ZNF66: variants seen among roughly 807,000 people sequenced by gnomAD.
The protein encoded by ZNF66 is zinc finger protein 66, also known as putative zinc finger protein 66.
A neutral mutation model predicts 35.2 loss-of-function variants in ZNF66; 32 were observed. That is an observed-to-expected ratio of 0.91 (90% CI 0.69 to 1.22). The LOEUF (loss-of-function observed/expected upper bound fraction) is 1.22, where lower values mean the gene tolerates loss of function less well. ZNF66 is among the 50% of genes most tolerant of loss of function. The pLI is 0.00. For missense variants in ZNF66, 666 were observed against 543.1 expected (o/e 1.23, Z -2.25); for synonymous variants, 231 against 181.3 (o/e 1.27, Z -2.20).
chr19:20,780,914 A>T (rs533721967), intron 1 of ZNF66, among the ~76,000 whole-genome samples: 1 of 152,172 alleles, frequency 6.6e-6, no homozygotes, highest in South Asian at 2.1e-4. Context: ...CACACACTAG[A>T]CATTGACACG....
chr19:20,780,276 G>A (rs1385439147), intron 1 of ZNF66, among the ~76,000 whole-genome samples: 1 of 152,124 alleles, frequency 6.6e-6, no homozygotes, highest in African/African-American at 2.4e-5. Flanking sequence ...AAAGAATGGA[G>A]AATTTTATTA....
chr19:20,806,419 T>G lies in ZNF66; in HGVS notation c.819T>G (p.Thr273=). 6.4e-7 allele frequency: 1 copy of G among 1,561,270 alleles called. No homozygotes were observed. Among genetic ancestry groups the G allele is most frequent in the Non-Finnish European group, 8.8e-7 (1 of 1,132,988 alleles). Residue 273 remains threonine, a synonymous_variant, in exon 4 of 4, where the codon ACT becomes ACG. Transcript: ENST00000344519. ...CCTTTAAGCGCTCCTCTATCCTTAC[T>G]ACACATAAGAGAATTCATACTGGAG... The part of the protein sequence containing the change: ...GKAFKRSSIL[T]THKRIHTGEK...
chr19:20,802,754 TTTA>T (rs564679621), intron 3 of ZNF66, among the ~76,000 whole-genome samples: 336 of 152,236 alleles, frequency 2.2e-3, no homozygotes, highest in Middle Eastern at 6.8e-3. Flanking sequence ...TCTGTCTTGT[TTTA>T]TTATTACAGA....
chr19:20,794,618 T>A (rs1424205282), intron 3 of ZNF66: 1 of 151,722 alleles, frequency 6.6e-6, no homozygotes, highest in African/African-American at 2.4e-5. Context: ...CTAATTTTTT[T>A]ATTTTGTTAT....
At chr19:20,803,311 C>CTTTTT (rs71174750) in intron 3 of ZNF66, among the ~76,000 whole-genome samples, 1 of 131,522 alleles carries the variant, frequency 7.6e-6, no homozygotes. Context: ...CTCTTTCTGT[C>CTTTTT]TTTTTTTTTT....
In ZNF66 at chr19:20,807,584, T is replaced by G. The variant is rs1035636020; in HGVS notation, c.*262T>G. Among the ~76,000 whole-genome samples, 8 of 77,432 alleles carry G rather than the reference T, an allele frequency of 1.0e-4. No individual in the cohort carries two copies. Among genetic ancestry groups the G allele is most frequent in the Non-Finnish European group, 1.6e-4 (6 of 37,980 alleles). 50.8% of individuals were successfully genotyped at this position (77,432 alleles called of 152,430 possible). On this transcript the variant is annotated 3_prime_UTR_variant, in exon 4 of 4. Transcript: ENST00000344519. ...CCTATAACAATTTTCAATCAATTCT[T>G]TTTTTTTTTTTTTGAGATGAAGTTT...
chr19:20,808,090 A>T lies in ZNF66; in HGVS notation c.*768A>T, dbSNP rs1010472363. On this transcript the variant is annotated 3_prime_UTR_variant, in exon 4 of 4. Transcript: ENST00000344519. ...AGCTGGCTCAGAGGGTCCTATGCCC[A>T]TGGAGTCTCACTGATTGCTAGCACA... Among the ~76,000 whole-genome samples, 1 of 148,630 alleles carries T rather than the reference A, an allele frequency of 6.7e-6. No individual in the cohort carries two copies.
rs1356289997 is a variant in ZNF66, at chr19:20,808,764, C to A, written c.*1442C>A. ...ATGGGGAAAAAACAGAGCAGAAAAA[C>A]TGGAAAGTCTAAAAAGCAGAGCACC... On this transcript the variant is annotated 3_prime_UTR_variant, in exon 4 of 4. Coordinates refer to ENST00000344519, the MANE Select transcript of ZNF66 (RefSeq NM_001355197.2). Among the ~76,000 whole-genome samples, 1 of 151,476 alleles carries A rather than the reference C, an allele frequency of 6.6e-6. No individual in the cohort carries two copies. Among genetic ancestry groups the A allele is most frequent in the African/African-American group, 2.4e-5 (1 of 41,192 alleles).
chr19:20,807,734 C>A lies in ZNF66; in HGVS notation c.*412C>A, dbSNP rs1456703074. ...TAGATGAGATTATGGGGGGTGGAGC[C>A]AAGATGGCTGAATAGGTACAGCTCC... On this transcript the variant is annotated 3_prime_UTR_variant, in exon 4 of 4. Transcript: ENST00000344519. 6.6e-6 allele frequency among the ~76,000 whole-genome samples: 1 copy of A among 152,000 alleles called. No homozygotes were observed. The highest frequency in any genetic ancestry group is 1.5e-5 in the Non-Finnish European group (1 of 68,014).
In ZNF66 at chr19:20,805,852, C is replaced by T. The variant is rs562444586; in HGVS notation, c.252C>T (p.Asp84=). The T allele has an allele frequency of 1.2e-5, 7 of 593,774 alleles. No homozygotes were observed. The highest frequency in any genetic ancestry group is 3.8e-5 in the African/African-American group (2 of 53,004). The allele number at this position is 593,774 out of a possible 1,614,324, so 36.8% of individuals were successfully genotyped here. A position where few individuals can be genotyped will look rare whatever the true frequency, so the allele number is the denominator to read the frequency against. ...PSVLCSHFNQ[D]LWPEQSIKDS... is the part of the protein sequence containing the mutation. ...TTTTGTGTTCTCATTTTAACCAAGA[C>T]CTTTGGCCAGAGCAGAGCATAAAAG... The change falls in exon 4 of 4, where the codon GAC becomes GAT. Residue 84 remains aspartate, a synonymous_variant. Transcript: ENST00000344519.
At chr19:20,798,959 A>G (rs1971420696) in intron 3 of ZNF66, 2 of 152,030 alleles carry the variant, frequency 1.3e-5, no homozygotes, top group Admixed American at 1.3e-4. Context: ...GCTTTTGTGA[A>G]TACTGGTACA....
chr19:20,781,754 C>T (rs529680859), intron 1 of ZNF66, among the ~76,000 whole-genome samples: 2 of 152,170 alleles, frequency 1.3e-5, no homozygotes, highest in South Asian at 4.2e-4. Context: ...GTGATCAACC[C>T]ACCTCGGCCT....
At chr19:20,778,115 T>G (rs1971212439) in intron 1 of ZNF66, among the ~76,000 whole-genome samples, 2 of 152,192 alleles carry the variant, frequency 1.3e-5, no homozygotes, top group South Asian at 2.1e-4. Context: ...TTTACTTATT[T>G]TTTTGAAACA....
chr19:20,802,953 T>C (rs1375606984), intron 3 of ZNF66, among the ~76,000 whole-genome samples: 1 of 152,038 alleles, frequency 6.6e-6, no homozygotes, highest in African/African-American at 2.4e-5. Context: ...CTTCTTTGCC[T>C]TCTTGAAGTT....
intron 2 of ZNF66, among the ~76,000 whole-genome samples, chr19:20,793,240 C>T (rs1325037364): frequency 1.3e-5 from 2 of 151,524 alleles, no homozygotes; most frequent in Non-Finnish European, 2.9e-5. Context: ...TTGCCACCAC[C>T]AAGTTTTGAT....
At chr19:20,782,425 T>C (rs1971253462) in intron 1 of ZNF66, among the ~76,000 whole-genome samples, 1 of 152,224 alleles carries the variant, frequency 6.6e-6, no homozygotes, top group South Asian at 2.1e-4. Flanking sequence ...ATAATTCTGT[T>C]ATTAGTTCTG....
At chr19:20,803,401 G>A (rs1020348590) in intron 3 of ZNF66, among the ~76,000 whole-genome samples, 2 of 150,936 alleles carry the variant, frequency 1.3e-5, no homozygotes, top group African/African-American at 4.9e-5. Context: ...TACCTTCTGG[G>A]ATTACATAAA....
At position 20,806,471 on chromosome 19, in the gene ZNF66, G is replaced by A. The variant is rs1233273402; in HGVS notation, c.871G>A (p.Gly291Ser). The change falls in exon 4 of 4, where the codon GGC becomes AGC. Residue 291 changes from glycine (G) to serine (S), a missense_variant. By Grantham distance (56) the Gly-to-Ser change is moderately conservative. Transcript: ENST00000344519. Reference protein sequence around the residue: ...GEKPYKCEECGKVFKYLSSLS... With the variant: ...GEKPYKCEECSKVFKYLSSLS... The stretch of plus-strand genomic sequence containing the variant: ...GAAACCCTACAAATGTGAAGAATGT[G>A]GCAAAGTTTTTAAGTACCTTTCTTC... The A allele has an allele frequency of 1.3e-6, 2 of 1,535,352 alleles. No homozygotes were observed. Among genetic ancestry groups the A allele is most frequent in the Admixed American group, 1.7e-5 (1 of 59,870 alleles).
chr19:20,787,528 A>G (rs1416913653), intron 1 of ZNF66, among the ~76,000 whole-genome samples: 1 of 152,200 alleles, frequency 6.6e-6, no homozygotes, highest in African/African-American at 2.4e-5. Flanking sequence ...CAGAAAACTA[A>G]CAAAAGGCAT....
Sources: allele counts gnomAD v4.1 joint callset (sites outside exome capture counted in the v4.1 genomes callset), GRCh38; gene constraint gnomAD v4.1.1; transcripts MANE v1.5; gene names NCBI Gene and HGNC (gene_info 2026-07-23, HGNC 2026-07-21).